Variants in WDR72 observed in about 807,000 individuals in gnomAD.
WDR72 encodes WD repeat domain 72, also known as WD repeat-containing protein 72.
WDR72 carries 120 observed loss-of-function variants against 124.2 expected under a neutral mutation model. That is an observed-to-expected ratio of 0.97 (90% CI 0.83 to 1.12). WDR72 has a LOEUF of 1.12. WDR72 is among the 50% of genes most tolerant of loss of function. The pLI is 0.00. For missense variants in WDR72, 1,387 were observed against 1,278.8 expected, an observed-to-expected ratio of 1.08 and a Z score of -1.29; for synonymous variants, 452 against 441.7, an observed-to-expected ratio of 1.02 and a Z score of -0.29.
At chr15:53,712,380 G>A (rs1306385096) in intron 7 of WDR72, among the ~76,000 whole-genome samples, 1 of 152,120 alleles carries the variant, frequency 6.6e-6, no homozygotes, top group Non-Finnish European at 1.5e-5. Context: ...GGCAGATCAC[G>A]AGGTCAGGAG....
At chr15:53,744,016 G>C (rs1022927828) in intron 1 of WDR72, among the ~76,000 whole-genome samples, 3 of 151,654 alleles carry the variant, frequency 2.0e-5, no homozygotes, top group African/African-American at 7.3e-5. Flanking sequence ...CTTCTCTTCA[G>C]ATCAAAGGAA....
At chr15:53,529,164 A>ATATATATATTTTTTT (rs59003623) in intron 18 of WDR72, among the ~76,000 whole-genome samples, 18 of 78,152 alleles carry the variant, frequency 2.3e-4, no homozygotes, top group African/African-American at 5.5e-4. Flanking sequence ...ATATATATAT[A>ATATATATATTTTTTT]TTTTTTTTTT....
At chr15:53,568,446 A>G (rs764536905) in intron 18 of WDR72, among the ~76,000 whole-genome samples, 2 of 151,870 alleles carry the variant, frequency 1.3e-5, no homozygotes, top group Non-Finnish European at 2.9e-5. Flanking sequence ...CTCACCACTT[A>G]ATGAGGCAGC....
intron 13 of WDR72, among the ~76,000 whole-genome samples, chr15:53,687,109 G>T (rs1303154257): frequency 6.7e-6 from 1 of 149,508 alleles, no homozygotes; most frequent in East Asian, 2.0e-4. Flanking sequence ...AGAGAAAGCA[G>T]GAAAGATCCA....
chr15:53,551,855 GACACAC>G (rs148675620), intron 18 of WDR72, among the ~76,000 whole-genome samples: 1 of 149,568 alleles, frequency 6.7e-6, no homozygotes. Flanking sequence ...AGAATACACA[GACACAC>G]ACACACACAC....
intron 18 of WDR72, among the ~76,000 whole-genome samples, chr15:53,563,783 T>C (rs529721252): frequency 2.0e-5 from 3 of 151,942 alleles, no homozygotes; most frequent in African/African-American, 7.2e-5. Context: ...GTAAGCAAGC[T>C]TAAGTGAACT....
chr15:53,575,446 C>T (rs1482375508), intron 18 of WDR72, among the ~76,000 whole-genome samples: 2 of 152,024 alleles, frequency 1.3e-5, no homozygotes, highest in Non-Finnish European at 2.9e-5. Context: ...CACAAACATC[C>T]CTGTTTCAAA....
chr15:53,696,735 G>A (rs1379923580), intron 13 of WDR72, among the ~76,000 whole-genome samples: 1 of 152,156 alleles, frequency 6.6e-6, no homozygotes, highest in Non-Finnish European at 1.5e-5. Context: ...ATCTGGCTTG[G>A]AAAAGAAAAC....
At chr15:53,529,164 A>ATATATTTTTTTTTT (rs59003623) in intron 18 of WDR72, among the ~76,000 whole-genome samples, 31 of 78,150 alleles carry the variant, frequency 4.0e-4, no homozygotes, top group African/African-American at 7.5e-4. Flanking sequence ...ATATATATAT[A>ATATATTTTTTTTTT]TTTTTTTTTT....
rs199511958 is a variant in WDR72 at position 53,544,960 on chromosome 15, G to A, written c.3149-21638C>T. Among the ~76,000 whole-genome samples, 75 of 145,166 alleles carry A rather than the reference G, an allele frequency of 5.2e-4. No homozygotes were observed. In the East Asian group the frequency reaches 0.015, roughly 29 times the overall value. The stretch of plus-strand genomic sequence containing the variant: ...CCTAGGAATCCAACTTACAAGGGAT[G>A]TGAAGGACCTCTTCAAGGAGAACTA... On this transcript the variant is annotated intron_variant, in intron 18 of 19. Coordinates refer to ENST00000360509, the MANE Select transcript of WDR72 (RefSeq NM_182758.4).
chr15:53,686,217 C>G (rs2016617706), intron 13 of WDR72, among the ~76,000 whole-genome samples: 1 of 150,864 alleles, frequency 6.6e-6, no homozygotes, highest in African/African-American at 2.4e-5. Flanking sequence ...ACAATATTAA[C>G]TTTAAATGTA....
intron 18 of WDR72, among the ~76,000 whole-genome samples, chr15:53,529,943 C>T (rs1327976474): frequency 6.6e-6 from 1 of 151,866 alleles, no homozygotes; most frequent in Non-Finnish European, 1.5e-5. Flanking sequence ...AACTGCATTC[C>T]TTCCTCCTGC....
intron 15 of WDR72, among the ~76,000 whole-genome samples, chr15:53,614,033 T>C (rs534305188): frequency 1.3e-5 from 2 of 152,222 alleles, no homozygotes; most frequent in Non-Finnish European, 2.9e-5. Flanking sequence ...ATCTGTGAAC[T>C]ATGTTTACAA....
At chr15:53,724,384 A>G (rs1044977185) in intron 2 of WDR72, among the ~76,000 whole-genome samples, 1 of 152,200 alleles carries the variant, frequency 6.6e-6, no homozygotes, top group African/African-American at 2.4e-5. Flanking sequence ...ACACTGCTAT[A>G]AAGAACTACC....
intron 13 of WDR72, among the ~76,000 whole-genome samples, chr15:53,689,085 A>C (rs1056120164): frequency 1.4e-4 from 21 of 152,224 alleles, no homozygotes; most frequent in African/African-American, 5.1e-4. Context: ...TAAAGACTTA[A>C]ACGTTAAACC....
At chr15:53,600,972 C>T (rs1219968945) in intron 17 of WDR72, among the ~76,000 whole-genome samples, 2 of 152,110 alleles carry the variant, frequency 1.3e-5, no homozygotes, top group African/African-American at 2.4e-5. Context: ...ACTTATTCAT[C>T]AGCAAAATTA....
At chr15:53,695,967 C>G (rs2016991634) in intron 13 of WDR72, among the ~76,000 whole-genome samples, 1 of 152,098 alleles carries the variant, frequency 6.6e-6, no homozygotes, top group Non-Finnish European at 1.5e-5. Context: ...CCCCAAGCTC[C>G]CACCAAGGCA....
At chr15:53,692,238 A>C (rs999357123) in intron 13 of WDR72, among the ~76,000 whole-genome samples, 7 of 152,206 alleles carry the variant, frequency 4.6e-5, no homozygotes, top group Non-Finnish European at 8.8e-5. Context: ...TCAAAGGTAC[A>C]AGTTTTCCCT....
chr15:53,544,023 T>C (rs1320872197), intron 18 of WDR72, among the ~76,000 whole-genome samples: 17 of 149,836 alleles, frequency 1.1e-4, no homozygotes, highest in East Asian at 2.0e-4. Flanking sequence ...TAATCAATAG[T>C]TTACCAACCA....
Sources: allele counts gnomAD v4.1 joint callset (sites outside exome capture counted in the v4.1 genomes callset), GRCh38; gene constraint gnomAD v4.1.1; transcripts MANE v1.5; gene names NCBI Gene and HGNC (gene_info 2026-07-23, HGNC 2026-07-21).